The following CEBPZOS variants were observed in gnomAD, a reference collection of about 807,000 sequenced individuals.
CEBPZOS encodes CEBPZ opposite strand.
CEBPZOS carries 10 observed loss-of-function variants against 4.8 expected under a neutral mutation model. The ratio of observed to expected loss-of-function variants is 2.07; its 90% CI spans 1.28 to 3.52. The LOEUF is 3.52. Among genes scored for constraint, CEBPZOS ranks in the 30% most tolerant of loss-of-function variants. CEBPZOS has a pLI of 0.00. For missense variants in CEBPZOS, 98 were observed against 43.6 expected (o/e 2.25, Z -3.51); for synonymous variants, 25 against 14.2 (o/e 1.77, Z -1.72).
At chr2:37,213,917 G>T, downstream of CEBPZOS, 1 of 1,590,856 alleles carries the variant, frequency 6.3e-7, no homozygotes. Context: ...TTCTTCATCT[G>T]CATCCCGTTT....
At chr2:37,210,958 A>G in intron 4 of CEBPZOS, 3 of 1,444,758 alleles carry the variant, frequency 2.1e-6, no homozygotes, top group East Asian at 2.3e-5. Flanking sequence ...CACCTTTCAC[A>G]TGGACACTGC....
Position 37,202,205 on chromosome 2 carries a change from TC to T in CEBPZOS, c.*348del, listed in dbSNP as rs2148329255. ...AATCAATATGTAAAAACGGCCCACT[TC>T]CCTAAAAAAAAGTAATTTTTGTAGT... On this transcript the variant is annotated 3_prime_UTR_variant, in exon 5 of 5. Coordinates refer to ENST00000402297, the MANE Select transcript of CEBPZOS (RefSeq NM_001322374.2). The T allele has an allele frequency of 4.8e-6, 1 of 209,844 alleles. No homozygotes were observed. Among genetic ancestry groups the T allele is most frequent in the Admixed American group, 5.8e-5 (1 of 17,188 alleles). The allele number at this position is 209,844 out of a possible 1,614,324, so 13.0% of individuals were successfully genotyped here. A position where few individuals can be genotyped will look rare whatever the true frequency, so the allele number is the denominator to read the frequency against.
rs764198413 is a variant in CEBPZOS at position 37,211,809 on chromosome 2, AC to A, written c.*3-1627del. The A allele has an allele frequency of 1.2e-5, 18 of 1,479,174 alleles. No individual in the cohort carries two copies. In the African/African-American group the frequency reaches 2.4e-4, roughly 20 times the overall value. The allele number at this position is 1,479,174 out of a possible 1,614,324, so 91.6% of individuals were successfully genotyped here. Reference sequence around the variant, plus strand: ...ACTTAAGGCTAAGGAAGTGAGGAAGACACAGTTTATGTCTTATTTTAAAAAA... The same window carrying A: ...ACTTAAGGCTAAGGAAGTGAGGAAGAACAGTTTATGTCTTATTTTAAAAAA... On this transcript the variant is annotated intron_variant, in intron 4 of 4. Transcript: ENST00000397064.
downstream of CEBPZOS, among the ~76,000 whole-genome samples, chr2:37,205,261 CCT>C (rs1455809013): frequency 2.6e-5 from 4 of 152,152 alleles, no homozygotes; most frequent in African/African-American, 9.7e-5. Flanking sequence ...CATCATATCC[CCT>C]GTGACCTGCA....
At chr2:37,207,515 T>C (rs571178705), downstream of CEBPZOS, among the ~76,000 whole-genome samples, 4 of 152,280 alleles carry the variant, frequency 2.6e-5, no homozygotes, top group Non-Finnish European at 4.4e-5. Context: ...CAAAACTATA[T>C]ACAAATACAT....
intron 2 of CEBPZOS, among the ~76,000 whole-genome samples, chr2:37,200,846 C>T (rs1677190399): frequency 6.6e-6 from 1 of 152,132 alleles, no homozygotes; most frequent in African/African-American, 2.4e-5. Flanking sequence ...CACTGTACTG[C>T]AGCCTGGGCA....
Position 37,199,818 on chromosome 2 carries a change from A to C in CEBPZOS, c.114A>C (p.Gln38His). 2.8e-6 allele frequency: 2 copies of C among 717,564 alleles called. No individual in the cohort carries two copies. The highest frequency in any genetic ancestry group is 5.2e-6 in the Non-Finnish European group (2 of 385,026). 44.4% of individuals were successfully genotyped at this position (717,564 alleles called of 1,614,324 possible). Residue 38 changes from glutamine (Q) to histidine (H), a missense_variant and splice_region_variant, in exon 2 of 5, where the codon CAA (glutamine) becomes CAC (histidine). By Grantham distance (24) the Gln-to-His change is conservative. Transcript: ENST00000402297. Reference sequence around the variant, plus strand: ...TGTTTAGCAAGATGCACACAAGCCAAGGTAATCATAATTCAGAAGTTAATG... The same window carrying C: ...TGTTTAGCAAGATGCACACAAGCCACGGTAATCATAATTCAGAAGTTAATG... ...YFLFSKMHTS[Q>H]DFRQTMSKKY... is the part of the protein sequence containing the mutation.
intron 2 of CEBPZOS, among the ~76,000 whole-genome samples, chr2:37,200,715 C>T (rs1028505426): frequency 3.3e-5 from 5 of 151,774 alleles, no homozygotes; most frequent in East Asian, 3.9e-4. Flanking sequence ...CCCAGCTACT[C>T]GGGAGGTTGA....
Position 37,202,990 on chromosome 2 carries a change from C to G in CEBPZOS, c.*1130C>G. ...AAATAGGCTGGAATCATTTAAGTTT[C>G]TTTTCTTTTTTCTTGGCCCTAAAAA... On this transcript the variant is annotated 3_prime_UTR_variant, in exon 5 of 5. Coordinates refer to ENST00000402297, the MANE Select transcript of CEBPZOS (RefSeq NM_001322374.2). 1 of 1,551,446 alleles carries G rather than the reference C, an allele frequency of 6.4e-7. No individual in the cohort carries two copies. The highest frequency in any genetic ancestry group is 8.7e-7 in the Non-Finnish European group (1 of 1,152,640).
At chr2:37,205,508 T>C (rs755565910), downstream of CEBPZOS, among the ~76,000 whole-genome samples, 3 of 152,148 alleles carry the variant, frequency 2.0e-5, no homozygotes, top group Non-Finnish European at 2.9e-5. Context: ...TCCTATAAAA[T>C]GGCCCCACCC....
intron 1 of CEBPZOS, chr2:37,198,724 A>G (rs1023132618): frequency 6.6e-6 from 1 of 152,246 alleles, no homozygotes; most frequent in African/African-American, 2.4e-5. Context: ...AAAAAGAATA[A>G]TGACACAAAC....
chr2:37,214,986 A>G, downstream of CEBPZOS: 1 of 1,325,740 alleles, frequency 7.5e-7, no homozygotes. Flanking sequence ...TTAACTTCAT[A>G]TAGCAATCCC....
chr2:37,211,960 T>C (rs1447497101), intron 4 of CEBPZOS: 1 of 1,613,742 alleles, frequency 6.2e-7, no homozygotes, highest in Admixed American at 1.7e-5. Flanking sequence ...TCATCCAGGT[T>C]ACCAAGTTCA....
intron 4 of CEBPZOS, chr2:37,212,150 G>C: frequency 9.5e-7 from 1 of 1,047,294 alleles, no homozygotes; most frequent in Non-Finnish European, 1.4e-6. Context: ...AGAAAGCTTT[G>C]CAGACTGCTC....
At position 37,202,571 on chromosome 2, in the gene CEBPZOS, G is replaced by T; in HGVS notation, c.*711G>T. Reference sequence around the variant, plus strand: ...AAGGTAGGAGAATTACTTGAACATGGGAGATGGAGGTTGCAGTGAGCCAAG... The same window carrying T: ...AAGGTAGGAGAATTACTTGAACATGTGAGATGGAGGTTGCAGTGAGCCAAG... On this transcript the variant is annotated 3_prime_UTR_variant, in exon 5 of 5. Coordinates refer to ENST00000402297, the MANE Select transcript of CEBPZOS (RefSeq NM_001322374.2). 1 of 375,860 alleles carries T rather than the reference G, an allele frequency of 2.7e-6. No individual in the cohort carries two copies. Among genetic ancestry groups the T allele is most frequent in the Non-Finnish European group, 4.8e-6 (1 of 209,504 alleles). The allele number at this position is 375,860 out of a possible 1,614,324, so 23.3% of individuals were successfully genotyped here. A position where few individuals can be genotyped will look rare whatever the true frequency, so the allele number is the denominator to read the frequency against.
chr2:37,201,552 T>C (rs1427061320), intron 3 of CEBPZOS, 90 bp from the exon 4 acceptor site: 3 of 630,026 alleles, frequency 4.8e-6, no homozygotes, highest in Non-Finnish European at 8.5e-6. Flanking sequence ...TATGTAGCAA[T>C]ATGGAAAAAA....
chr2:37,202,726 T>C lies in CEBPZOS; in HGVS notation c.*866T>C. The C allele has an allele frequency of 2.4e-6, 2 of 841,616 alleles. No homozygotes were observed. Among genetic ancestry groups the C allele is most frequent in the Non-Finnish European group, 3.6e-6 (2 of 559,926 alleles). The allele number at this position is 841,616 out of a possible 1,614,324, so 52.1% of individuals were successfully genotyped here. Reference sequence around the variant, plus strand: ...AAAATAACGAAAATTTCCTATCTTCTGAAGTTCCAAGCCAAAGCTATTTTT... The same window carrying C: ...AAAATAACGAAAATTTCCTATCTTCCGAAGTTCCAAGCCAAAGCTATTTTT... On this transcript the variant is annotated 3_prime_UTR_variant, in exon 5 of 5. Transcript: ENST00000402297.
At position 37,202,620 on chromosome 2, in the gene CEBPZOS, G is replaced by C; in HGVS notation, c.*760G>C. The C allele has an allele frequency of 6.5e-6, 3 of 459,326 alleles. 1 individual carries two copies. Among genetic ancestry groups the C allele is most frequent in the Non-Finnish European group, 1.1e-5 (3 of 274,452 alleles). 28.5% of individuals were successfully genotyped at this position (459,326 alleles called of 1,614,324 possible). A position where few individuals can be genotyped will look rare whatever the true frequency, so the allele number is the denominator to read the frequency against. ...AGATCATGCCACTGCATTCCAACCT[G>C]GGCAAGGGAGTGAGACGCTGTCTCA... On this transcript the variant is annotated 3_prime_UTR_variant, in exon 5 of 5. Coordinates refer to ENST00000402297, the MANE Select transcript of CEBPZOS (RefSeq NM_001322374.2).
intron 2 of CEBPZOS, among the ~76,000 whole-genome samples, chr2:37,200,626 G>C (rs184019595): frequency 7.9e-5 from 12 of 151,272 alleles, no homozygotes; most frequent in African/African-American, 2.7e-4. Flanking sequence ...CTTGAGCTCA[G>C]TCTGGGCTAA....
Sources: allele counts gnomAD v4.1 joint callset (sites outside exome capture counted in the v4.1 genomes callset), GRCh38; gene constraint gnomAD v4.1.1; transcripts MANE v1.5; gene names NCBI Gene and HGNC (gene_info 2026-07-23, HGNC 2026-07-21).